Variants in EPN2 observed in about 807,000 individuals in gnomAD.
EPN2 encodes epsin-2.
In EPN2, 34 loss-of-function variants were observed where a neutral mutation model predicts 61.7. That is an observed-to-expected ratio of 0.55 (90% confidence interval 0.42 to 0.73). The LOEUF (loss-of-function observed/expected upper bound fraction) is 0.73. Among genes scored for constraint, EPN2 ranks in the 30% least tolerant of loss-of-function variants. The probability of loss-of-function intolerance (pLI) is 0.00; values close to 1 mark genes in which losing one functional copy is unlikely to be tolerated. For missense variants in EPN2, 714 were observed against 839.2 expected, an observed-to-expected ratio of 0.85 and a Z score of 1.84; for synonymous variants, 349 against 353.6, an observed-to-expected ratio of 0.99 and a Z score of 0.15.
chr17:19,328,008 A>C (rs1906968948), intron 7 of EPN2, among the ~76,000 whole-genome samples: 1 of 152,210 alleles, frequency 6.6e-6, no homozygotes, highest in Non-Finnish European at 1.5e-5. Flanking sequence ...TTGACACTTA[A>C]CATTAGATGC....
intron 1 of EPN2, among the ~76,000 whole-genome samples, chr17:19,275,653 T>C (rs955721367): frequency 6.6e-6 from 1 of 152,244 alleles, no homozygotes; most frequent in Admixed American, 6.5e-5. Flanking sequence ...TGGCCTGGTC[T>C]GAGTCCTGGG....
At position 19,335,359 on chromosome 17, in the gene EPN2, T is replaced by C; in HGVS notation, c.*1105T>C. 1 of 1,539,746 alleles carries C rather than the reference T, an allele frequency of 6.5e-7. No homozygotes were observed. Among genetic ancestry groups the C allele is most frequent in the Non-Finnish European group, 8.8e-7 (1 of 1,138,868 alleles). ...TAAAGAAAAAAATCTAATGTATGAA[T>C]GTGACTCACCAATTTTTATCAACTA... On this transcript the variant is annotated 3_prime_UTR_variant, in exon 11 of 11. Coordinates refer to ENST00000314728, the MANE Select transcript of EPN2 (RefSeq NM_014964.5).
chr17:19,267,744 T>C lies in EPN2; in HGVS notation c.-293-14211T>C, dbSNP rs548748941. ...TTTTAATAGAGATGGGGTTTCACCATGTTGGTCAGGCTGGTCTCGAACTCC... is the reference window on the plus strand; with the variant it reads ...TTTTAATAGAGATGGGGTTTCACCACGTTGGTCAGGCTGGTCTCGAACTCC... On this transcript the variant is annotated intron_variant, in intron 1 of 10. Coordinates refer to ENST00000314728, the MANE Select transcript of EPN2 (RefSeq NM_014964.5). Among the ~76,000 whole-genome samples, 40 of 152,210 alleles carry C rather than the reference T, an allele frequency of 2.6e-4. No individual in the cohort carries two copies. The South Asian group carries it at 8.3e-3, about 32-fold the overall frequency.
At chr17:19,253,876 T>C (rs1483475770) in intron 1 of EPN2, among the ~76,000 whole-genome samples, 1 of 152,200 alleles carries the variant, frequency 6.6e-6, no homozygotes, top group Non-Finnish European at 1.5e-5. Flanking sequence ...GGCTCATACA[T>C]GTAATACCAG....
chr17:19,242,704 G>A (rs1345451715), intron 1 of EPN2, among the ~76,000 whole-genome samples: 1 of 152,190 alleles, frequency 6.6e-6, no homozygotes, highest in Non-Finnish European at 1.5e-5. Context: ...GACATGCAAA[G>A]GGCTGTAAAT....
chr17:19,299,280 G>A (rs773789393), intron 4 of EPN2, among the ~76,000 whole-genome samples: 6 of 152,232 alleles, frequency 3.9e-5, no homozygotes, highest in Non-Finnish European at 7.3e-5. Flanking sequence ...TGAAGTTTAT[G>A]ATTGAATTAA....
At position 19,334,347 on chromosome 17, in the gene EPN2, T is replaced by A. The variant is rs368917532; in HGVS notation, c.*93T>A. The A allele has an allele frequency of 2.8e-6, 3 of 1,058,380 alleles. No homozygotes were observed. The highest frequency in any genetic ancestry group is 3.3e-5 in the African/African-American group (2 of 61,272). The allele number at this position is 1,058,380 out of a possible 1,614,324, so 65.6% of individuals were successfully genotyped here. A position where few individuals can be genotyped will look rare whatever the true frequency, so the allele number is the denominator to read the frequency against. On this transcript the variant is annotated 3_prime_UTR_variant, in exon 11 of 11. Coordinates refer to ENST00000314728, the MANE Select transcript of EPN2 (RefSeq NM_014964.5). The surrounding 1 kb of genome is among the most constrained non-coding windows in gnomAD (Gnocchi z 4.9). ...GGACGGGATCCAAGAGTTTGGGGAT[T>A]AGGGGTATTAGGGCTTTTCAGCTCC...
chr17:19,303,945 A>T (rs959452330), intron 4 of EPN2: 5 of 152,152 alleles, frequency 3.3e-5, no homozygotes, highest in Admixed American at 3.3e-4. Context: ...TCTCCTAAAA[A>T]TACAAAAATT....
rs1009179700 is a variant in EPN2, at chr17:19,335,916, C to G, written c.*1662C>G. 3 of 153,344 alleles carry G rather than the reference C, an allele frequency of 2.0e-5. No homozygotes were observed. The highest frequency in any genetic ancestry group is 2.9e-5 in the Non-Finnish European group (2 of 68,824). The allele number at this position is 153,344 out of a possible 1,614,324, so 9.5% of individuals were successfully genotyped here. ...CCCAATCCTGTGTCTGGGCAGCTTGCCTGGTGGATGTTTCTGGCCCTTTTT... is the reference window on the plus strand; with the variant it reads ...CCCAATCCTGTGTCTGGGCAGCTTGGCTGGTGGATGTTTCTGGCCCTTTTT... On this transcript the variant is annotated 3_prime_UTR_variant, in exon 11 of 11. Transcript: ENST00000314728.
chr17:19,287,708 G>A (rs930850595), intron 4 of EPN2, among the ~76,000 whole-genome samples: 3 of 152,174 alleles, frequency 2.0e-5, no homozygotes, highest in African/African-American at 7.2e-5. Flanking sequence ...TGTGAGGGGT[G>A]CATTTGGGAC....
intron 7 of EPN2, among the ~76,000 whole-genome samples, chr17:19,318,350 C>T (rs1272944919): frequency 1.3e-5 from 2 of 151,372 alleles, no homozygotes; most frequent in African/African-American, 2.4e-5. Flanking sequence ...GAGATCGAGA[C>T]CATCCTTGGC....
intron 4 of EPN2, among the ~76,000 whole-genome samples, chr17:19,296,089 C>T (rs369260630): frequency 3.9e-5 from 6 of 152,100 alleles, no homozygotes; most frequent in South Asian, 4.1e-4. Flanking sequence ...GAGCTCCTCC[C>T]GCAAGTCCAC....
chr17:19,238,232 C>T (rs1190606052), intron 1 of EPN2, among the ~76,000 whole-genome samples: 4 of 152,242 alleles, frequency 2.6e-5, no homozygotes, highest in Non-Finnish European at 5.9e-5. Context: ...TCCTGCTCGG[C>T]TGATCCGGGT....
intron 1 of EPN2, among the ~76,000 whole-genome samples, chr17:19,275,720 G>T (rs1249189328): frequency 6.6e-6 from 1 of 152,200 alleles, no homozygotes; most frequent in Non-Finnish European, 1.5e-5. Context: ...AGAAGAGGGG[G>T]ATTATGGTTG....
Position 19,335,562 on chromosome 17 carries a change from G to A in EPN2, c.*1308G>A, listed in dbSNP as rs1163743678. On this transcript the variant is annotated 3_prime_UTR_variant, in exon 11 of 11. Transcript: ENST00000314728. ...GGCAGTTGTCCCGAGGGCGTGGGGT[G>A]GGGGGTGCTTCTGTGCCCACGGGTC... 10 of 1,332,040 alleles carry A rather than the reference G, an allele frequency of 7.5e-6. No homozygotes were observed. The highest frequency in any genetic ancestry group is 2.9e-5 in the African/African-American group (2 of 68,330). 82.5% of individuals were successfully genotyped at this position (1,332,040 alleles called of 1,614,324 possible). A position where few individuals can be genotyped will look rare whatever the true frequency, so the allele number is the denominator to read the frequency against.
At position 19,266,405 on chromosome 17, in the gene EPN2, A is replaced by T. The variant is rs1042391816; in HGVS notation, c.-293-15550A>T. On this transcript the variant is annotated intron_variant, in intron 1 of 10. Transcript: ENST00000314728. The stretch of plus-strand genomic sequence containing the variant: ...CCATCTCAACATTATTATTTATTTT[A>T]TTTTTTTTTTTTTTTGAGACGGAGT... Among the ~76,000 whole-genome samples, 88 of 142,070 alleles carry T rather than the reference A, an allele frequency of 6.2e-4. 1 individual carries two copies. Among genetic ancestry groups the T allele is most frequent in the South Asian group, 3.6e-3 (16 of 4,486 alleles). The allele number at this position is 142,070 out of a possible 152,430, so 93.2% of individuals were successfully genotyped here.
chr17:19,335,770 A>T lies in EPN2; in HGVS notation c.*1516A>T. On this transcript the variant is annotated 3_prime_UTR_variant, in exon 11 of 11. Transcript: ENST00000314728. The stretch of plus-strand genomic sequence containing the variant: ...TGGGAGGGATTTTTAACAAACATGC[A>T]CTAATATTACCTCCCTCTTCCAAAC... 7.3e-6 allele frequency: 2 copies of T among 272,444 alleles called. No individual in the cohort carries two copies. The highest frequency in any genetic ancestry group is 1.4e-5 in the Non-Finnish European group (2 of 145,652). 16.9% of individuals were successfully genotyped at this position (272,444 alleles called of 1,614,324 possible).
intron 4 of EPN2, among the ~76,000 whole-genome samples, chr17:19,306,672 A>G (rs1282831767): frequency 6.6e-6 from 1 of 152,194 alleles, no homozygotes; most frequent in Non-Finnish European, 1.5e-5. Flanking sequence ...CAGCAGGTCC[A>G]GTTCAGAGCC....
chr17:19,326,833 G>A (rs1199807227), intron 7 of EPN2, among the ~76,000 whole-genome samples: 1 of 152,108 alleles, frequency 6.6e-6, no homozygotes, highest in Non-Finnish European at 1.5e-5. Flanking sequence ...ATGCTGCTGG[G>A]ATGAGTCAAG....
Sources: allele counts gnomAD v4.1 joint callset (sites outside exome capture counted in the v4.1 genomes callset), GRCh38; gene constraint gnomAD v4.1.1; non-coding constraint Gnocchi (gnomAD v3.1); transcripts MANE v1.5; gene names NCBI Gene and HGNC (gene_info 2026-07-23, HGNC 2026-07-21).